Variants in SATB2 observed in about 807,000 individuals in gnomAD.
The protein encoded by SATB2 is DNA-binding protein SATB2.
In SATB2, 1 loss-of-function variant was observed where a neutral mutation model predicts 73.4. The ratio of observed to expected loss-of-function variants is 0.01; its 90% CI spans 0.00 to 0.06. The LOEUF is 0.06. Ranked by LOEUF, SATB2 falls within the 10% of genes least tolerant of loss-of-function variation. The pLI is 1.00. For synonymous variants in SATB2, 397 were observed against 367.0 expected (o/e 1.08, Z -0.93); for missense variants, 459 against 945.8 (o/e 0.49, Z 6.75).
chr2:199,406,198 C>T lies in SATB2; in HGVS notation c.347-24378G>A, dbSNP rs1219835265. Reference sequence around the variant, plus strand: ...TTCAAATGAGTCCTGGAACCAATCCCCCTGGACACAAAAGGATGATTCTAT... The same window carrying T: ...TTCAAATGAGTCCTGGAACCAATCCTCCTGGACACAAAAGGATGATTCTAT... On this transcript the variant is annotated intron_variant, in intron 3 of 10. Transcript: ENST00000417098. 3.3e-5 allele frequency among the ~76,000 whole-genome samples: 5 copies of T among 151,978 alleles called. No individual in the cohort carries two copies. The East Asian group carries it at 9.7e-4, about 29-fold the overall frequency.
intron 3 of SATB2, among the ~76,000 whole-genome samples, chr2:199,410,537 C>T (rs1364705512): frequency 3.3e-5 from 5 of 152,168 alleles, no homozygotes; most frequent in African/African-American, 9.7e-5. Flanking sequence ...CTTGCTTCTT[C>T]GCAAAAAATT....
chr2:199,325,924 G>C (rs1271822031), intron 8 of SATB2: 1 of 152,072 alleles, frequency 6.6e-6, no homozygotes, highest in South Asian at 2.1e-4. Flanking sequence ...TGGAATGCTG[G>C]CCAGCTGAAG....
intron 3 of SATB2, among the ~76,000 whole-genome samples, chr2:199,431,627 C>CAT (rs1691503757): frequency 6.6e-6 from 1 of 152,166 alleles, no homozygotes; most frequent in African/African-American, 2.4e-5. Context: ...TTTATTTGCT[C>CAT]ATATATCTCA....
Position 199,462,993 on chromosome 2 carries a change from G to A in SATB2, c.-141+1843C>T, listed in dbSNP as rs1364377118. ...CTTCCCGGGGTAGGAGATGGGCGTC[G>A]GGTGTGGGCACTGCCTGCCCTGGGG... is the stretch of plus-strand genomic sequence containing the variant. On this transcript the variant is annotated intron_variant, in intron 1 of 11. Transcript: ENST00000260926. This position sits in a 1 kb window ranked among gnomAD's most constrained non-coding sequence, Gnocchi z 5.9. Among the ~76,000 whole-genome samples the A allele has an allele frequency of 6.6e-6, 1 of 152,188 alleles. No individual in the cohort carries two copies. Among genetic ancestry groups the A allele is most frequent in the Non-Finnish European group, 1.5e-5 (1 of 68,026 alleles).
intron 6 of SATB2, among the ~76,000 whole-genome samples, chr2:199,359,122 A>G (rs1237088482): frequency 6.6e-6 from 1 of 152,148 alleles, no homozygotes; most frequent in Non-Finnish European, 1.5e-5. Context: ...TGCCTTTGTC[A>G]GTTGGCATTC....
At chr2:199,292,011 A>C (rs1325476198) in intron 10 of SATB2, among the ~76,000 whole-genome samples, 1 of 152,212 alleles carries the variant, frequency 6.6e-6, no homozygotes, top group African/African-American at 2.4e-5. Flanking sequence ...TGAGAAGAGA[A>C]CAGATTTAAT....
chr2:199,335,957 AT>A (rs2105805903), intron 7 of SATB2, among the ~76,000 whole-genome samples: 1 of 152,320 alleles, frequency 6.6e-6, no homozygotes, highest in South Asian at 2.1e-4. Flanking sequence ...ACAACAGAGC[AT>A]TCTTGAAGCC....
intron 6 of SATB2, among the ~76,000 whole-genome samples, chr2:199,350,530 C>T (rs1184868974): frequency 2.0e-5 from 3 of 152,018 alleles, no homozygotes; most frequent in Non-Finnish European, 4.4e-5. Flanking sequence ...TAAATTAATA[C>T]TTCATGTAAT....
At chr2:199,414,772 T>A (rs1410753659) in intron 3 of SATB2, among the ~76,000 whole-genome samples, 2 of 152,074 alleles carry the variant, frequency 1.3e-5, no homozygotes, top group Non-Finnish European at 2.9e-5. Context: ...CAGAAAAGCC[T>A]ATAGCTGGTC....
intron 3 of SATB2, among the ~76,000 whole-genome samples, chr2:199,419,598 G>A (rs1691104585): frequency 6.6e-6 from 1 of 152,148 alleles, no homozygotes; most frequent in South Asian, 2.1e-4. Context: ...GTGCCGCCTG[G>A]GAACGGTTCC....
At chr2:199,435,384 T>C (rs1454565561) in intron 2 of SATB2, among the ~76,000 whole-genome samples, 1 of 152,010 alleles carries the variant, frequency 6.6e-6, no homozygotes, top group African/African-American at 2.4e-5. Context: ...TTCTCGCTCT[T>C]GTTGCCCAGG....
At chr2:199,353,718 CCCTTCTCTCCCTTCCTTT>C (rs1688890098) in intron 6 of SATB2, among the ~76,000 whole-genome samples, 2 of 152,092 alleles carry the variant, frequency 1.3e-5, no homozygotes, top group South Asian at 2.1e-4. Flanking sequence ...CTCCCTCCTT[CCCTTCTCTCCCTTCCTTT>C]CCCTTCTTTC....
chr2:199,407,936 A>T (rs1289893978), intron 3 of SATB2, among the ~76,000 whole-genome samples: 1 of 152,232 alleles, frequency 6.6e-6, no homozygotes, highest in Non-Finnish European at 1.5e-5. Flanking sequence ...TCAAAAATTA[A>T]AAAGTAAAAA....
intron 10 of SATB2, among the ~76,000 whole-genome samples, chr2:199,297,449 C>T (rs2105751657): frequency 6.6e-6 from 1 of 152,284 alleles, no homozygotes; most frequent in Non-Finnish European, 1.5e-5. Flanking sequence ...TTAGTATTCT[C>T]AGCACAGAGG....
chr2:199,284,479 AT>A (rs1453027565), intron 10 of SATB2, among the ~76,000 whole-genome samples: 1 of 152,088 alleles, frequency 6.6e-6, no homozygotes, highest in East Asian at 1.9e-4. Flanking sequence ...AGATTAAAAT[AT>A]TTTTTCCTAT....
chr2:199,379,100 T>A (rs1689689368), intron 5 of SATB2, among the ~76,000 whole-genome samples: 1 of 152,324 alleles, frequency 6.6e-6, no homozygotes, highest in Non-Finnish European at 1.5e-5. Context: ...AAGCTTTAGA[T>A]GATTTGTCAA....
intron 3 of SATB2, among the ~76,000 whole-genome samples, chr2:199,420,224 C>T (rs962466287): frequency 4.6e-5 from 7 of 152,124 alleles, no homozygotes; most frequent in South Asian, 2.1e-4. Flanking sequence ...TTATGCCACA[C>T]GAGGTTTGCG....
chr2:199,417,155 C>CT (rs912378326), intron 3 of SATB2, among the ~76,000 whole-genome samples: 22 of 146,052 alleles, frequency 1.5e-4, no homozygotes, highest in African/African-American at 2.5e-4. Flanking sequence ...TCACCATTTA[C>CT]TTTTTTTTTT....
rs1436927950 is a variant in SATB2 at position 199,425,522 on chromosome 2, A to C, written c.346+7816T>G. ...ATTCAAGTAGAAAATTCAAGGTCAGAGGTAAAGTGAGATCGCACATTCATT... is the reference window on the plus strand; with the variant it reads ...ATTCAAGTAGAAAATTCAAGGTCAGCGGTAAAGTGAGATCGCACATTCATT... On this transcript the variant is annotated intron_variant, in intron 3 of 10. Transcript: ENST00000417098. 2.6e-5 allele frequency among the ~76,000 whole-genome samples: 4 copies of C among 152,168 alleles called. No individual in the cohort carries two copies. In the South Asian group the frequency reaches 6.2e-4, roughly 24 times the overall value.
Sources: gnomAD v4.1 joint callset for allele counts (sites outside exome capture counted in the v4.1 genomes callset) on GRCh38, gnomAD v4.1.1 for gene constraint, Gnocchi (gnomAD v3.1) non-coding constraint, MANE v1.5 for transcripts, NCBI Gene and HGNC (gene_info 2026-07-23, HGNC 2026-07-21) for gene names.